The following ARHGAP28 variants were observed in gnomAD, a reference collection of about 807,000 sequenced individuals.
ARHGAP28 encodes rho GTPase-activating protein 28.
Under a neutral mutation model 90.7 loss-of-function variants are expected in ARHGAP28, and 56 were observed. That is an observed-to-expected ratio of 0.62 (90% confidence interval 0.50 to 0.77). ARHGAP28 has a LOEUF of 0.77. ARHGAP28 is among the 30% of genes least tolerant of loss of function. The pLI is 0.00. For synonymous variants in ARHGAP28, 308 were observed against 323.3 expected, an observed-to-expected ratio of 0.95 and a Z score of 0.51; for missense variants, 869 against 900.9, an observed-to-expected ratio of 0.96 and a Z score of 0.45.
At chr18:6,908,000 A>T (rs1343952936) in intron 16 of ARHGAP28, among the ~76,000 whole-genome samples, 3 of 152,292 alleles carry the variant, frequency 2.0e-5, no homozygotes, top group Non-Finnish European at 2.9e-5. Flanking sequence ...CTTGATGGGG[A>T]TGGAGGTCAG....
chr18:6,734,314 A>G (rs1042223500), intron 1 of ARHGAP28, among the ~76,000 whole-genome samples: 7 of 152,186 alleles, frequency 4.6e-5, no homozygotes, highest in Middle Eastern at 3.2e-3. Flanking sequence ...GTATATACAA[A>G]TAATGAAGTA....
At chr18:6,767,997 A>G (rs544358890) in intron 1 of ARHGAP28, among the ~76,000 whole-genome samples, 4 of 152,150 alleles carry the variant, frequency 2.6e-5, no homozygotes, top group South Asian at 2.1e-4. Flanking sequence ...AATGTTTCCA[A>G]ACTTTTGTTC....
chr18:6,854,434 G>A (rs563016671), intron 4 of ARHGAP28, among the ~76,000 whole-genome samples: 1 of 152,242 alleles, frequency 6.6e-6, no homozygotes, highest in East Asian at 1.9e-4. Flanking sequence ...CACGTAGTGG[G>A]TCTTTTCTGT....
rs34584836 is a variant in ARHGAP28 at position 6,736,747 on chromosome 18, C to CAAA, written c.122+6813_122+6815dup. 2.7e-3 allele frequency among the ~76,000 whole-genome samples: 213 copies of CAAA among 80,192 alleles called. 8 individuals are homozygous for CAAA. The highest frequency in any genetic ancestry group is 9.5e-3 in the East Asian group (25 of 2,630). The allele number at this position is 80,192 out of a possible 152,430, so 52.6% of individuals were successfully genotyped here. ...GGGCAACAAGAGTGAAACTCCATTT[C>CAAA]AAAAAAAAAAACAAAAAACAGAAAG... is the stretch of plus-strand genomic sequence containing the variant. On this transcript the variant is annotated intron_variant, in intron 1 of 17. Transcript: ENST00000383472.
At chr18:6,896,997 C>T (rs2057309397) in intron 16 of ARHGAP28, 1 of 164,678 alleles carries the variant, frequency 6.1e-6, no homozygotes, top group Middle Eastern at 3.0e-3. Flanking sequence ...ACTGCACCCT[C>T]CGCCTCCTGG....
intron 5 of ARHGAP28, 76 bp from the exon 6 acceptor site, chr18:6,868,074 C>T (rs2057051802): frequency 6.4e-6 from 8 of 1,246,098 alleles, no homozygotes; most frequent in South Asian, 1.2e-5. Context: ...TACTGCAGAA[C>T]ATAAGTCAGG....
intron 1 of ARHGAP28, among the ~76,000 whole-genome samples, chr18:6,751,740 T>C (rs1237352809): frequency 6.6e-6 from 1 of 152,218 alleles, no homozygotes; most frequent in Non-Finnish European, 1.5e-5. Flanking sequence ...TGCTCCCTGC[T>C]AGCAGCGTCA....
chr18:6,768,618 G>A (rs2056218670), intron 1 of ARHGAP28, among the ~76,000 whole-genome samples: 1 of 152,076 alleles, frequency 6.6e-6, no homozygotes, highest in Admixed American at 6.6e-5. Flanking sequence ...TGAAGTTGAC[G>A]CTGCACATGA....
Position 6,803,872 on chromosome 18 carries a change from G to A in ARHGAP28, c.123-20890G>A, listed in dbSNP as rs534402493. 2.6e-5 allele frequency among the ~76,000 whole-genome samples: 4 copies of A among 152,028 alleles called. No individual in the cohort carries two copies. In the East Asian group the frequency reaches 5.8e-4, roughly 22 times the overall value. On this transcript the variant is annotated intron_variant, in intron 1 of 17. Coordinates refer to ENST00000383472, the MANE Select transcript of ARHGAP28 (RefSeq NM_001366230.1). The stretch of plus-strand genomic sequence containing the variant: ...TGGCTCACCGCAAGCCCCGCCTCCC[G>A]GGTTCACGCCATTCTCCTGCCTCAG...
chr18:6,785,455 C>G (rs1180872212), intron 1 of ARHGAP28, among the ~76,000 whole-genome samples: 4 of 152,194 alleles, frequency 2.6e-5, no homozygotes, highest in Admixed American at 2.0e-4. Context: ...TCCAATGCAT[C>G]TTTCTACCTC....
In ARHGAP28 at chr18:6,898,542, C is replaced by T. The variant is rs761592614; in HGVS notation, c.2030+1916C>T. ...CAACAGGAGCCCCAAACATGTATTC[C>T]TCTTCACTATTGGCCTGGACATCTC... is the stretch of plus-strand genomic sequence containing the variant. On this transcript the variant is annotated intron_variant, in intron 16 of 17. Coordinates refer to ENST00000383472, the MANE Select transcript of ARHGAP28 (RefSeq NM_001366230.1). 2.5e-6 allele frequency: 4 copies of T among 1,613,990 alleles called. No individual in the cohort carries two copies. The African/African-American group carries it at 4.0e-5, about 16-fold the overall frequency.
chr18:6,766,417 C>A (rs1342266458), intron 1 of ARHGAP28, among the ~76,000 whole-genome samples: 1 of 152,004 alleles, frequency 6.6e-6, no homozygotes, highest in Non-Finnish European at 1.5e-5. Flanking sequence ...GCTGCTGAGA[C>A]CTCCTTTCCA....
At chr18:6,731,294 G>A (rs2055880284) in intron 1 of ARHGAP28, among the ~76,000 whole-genome samples, 1 of 145,116 alleles carries the variant, frequency 6.9e-6, no homozygotes, top group Non-Finnish European at 1.5e-5. Flanking sequence ...ATGTGTGCGT[G>A]TGTGTGTGTG....
chr18:6,752,748 A>C (rs1356340100), intron 1 of ARHGAP28, among the ~76,000 whole-genome samples: 1 of 152,098 alleles, frequency 6.6e-6, no homozygotes, highest in Non-Finnish European at 1.5e-5. Context: ...TCTCAGCTTA[A>C]GAGTATGGAC....
At chr18:6,781,607 A>G (rs914356259) in intron 1 of ARHGAP28, among the ~76,000 whole-genome samples, 16 of 152,152 alleles carry the variant, frequency 1.1e-4, no homozygotes, top group African/African-American at 3.4e-4. Flanking sequence ...CTTAATCACA[A>G]AAGAAGGGAA....
rs1015611946 is a variant in ARHGAP28 at position 6,855,995 on chromosome 18, G to A, written c.637-3813G>A. On this transcript the variant is annotated intron_variant, in intron 4 of 17. Coordinates refer to ENST00000383472, the MANE Select transcript of ARHGAP28 (RefSeq NM_001366230.1). ...TGCCCTTGGCAGGCGTGGGATCTGG[G>A]CCAGTAGCACAAGCCGAGTGCAGCC... 3.9e-5 allele frequency among the ~76,000 whole-genome samples: 6 copies of A among 152,334 alleles called. 1 individual carries two copies. Among genetic ancestry groups the A allele is most frequent in the Admixed American group, 2.0e-4 (3 of 15,306 alleles).
At chr18:6,760,357 C>T (rs1227971084) in intron 1 of ARHGAP28, among the ~76,000 whole-genome samples, 1 of 152,106 alleles carries the variant, frequency 6.6e-6, no homozygotes, top group East Asian at 1.9e-4. Flanking sequence ...AGACTACAAT[C>T]CCCATCACAC....
chr18:6,777,913 C>G (rs1306061783), intron 1 of ARHGAP28, among the ~76,000 whole-genome samples: 1 of 152,010 alleles, frequency 6.6e-6, no homozygotes, highest in African/African-American at 2.4e-5. Flanking sequence ...AAGGTCTGAC[C>G]CTCCTTAGCA....
At chr18:6,808,957 T>C (rs1264899680) in intron 1 of ARHGAP28, among the ~76,000 whole-genome samples, 1 of 152,154 alleles carries the variant, frequency 6.6e-6, no homozygotes, top group Non-Finnish European at 1.5e-5. Flanking sequence ...CCTAAAGCAA[T>C]ATCTCTTCAT....
Sources: gnomAD v4.1 joint callset for allele counts (sites outside exome capture counted in the v4.1 genomes callset) on GRCh38, gnomAD v4.1.1 for gene constraint, MANE v1.5 for transcripts, NCBI Gene and HGNC (gene_info 2026-07-23, HGNC 2026-07-21) for gene names.